Variants in KIAA1671 observed in about 807,000 individuals in gnomAD.
The protein encoded by KIAA1671 is uncharacterized protein KIAA1671.
In KIAA1671, 52 loss-of-function variants were observed where a neutral mutation model predicts 131.2. That is an observed-to-expected ratio of 0.40 (90% CI 0.32 to 0.50). The LOEUF (loss-of-function observed/expected upper bound fraction) is 0.50, where lower values mean the gene tolerates loss of function less well. Ranked by LOEUF, KIAA1671 falls within the 20% of genes least tolerant of loss-of-function variation. KIAA1671 has a pLI of 0.73. For synonymous variants in KIAA1671, 1,003 were observed against 961.6 expected (o/e 1.04, Z -0.80); for missense variants, 2,360 against 2,364.2 (o/e 1.00, Z 0.04).
intron 6 of KIAA1671, among the ~76,000 whole-genome samples, chr22:25,168,041 C>T (rs1488902792): frequency 6.6e-6 from 1 of 152,200 alleles, no homozygotes; most frequent in Non-Finnish European, 1.5e-5. Context: ...CAGGTGCCCA[C>T]TCATTCTGCA....
intron 1 of KIAA1671, among the ~76,000 whole-genome samples, chr22:24,994,811 G>A (rs1346408426): frequency 1.3e-5 from 2 of 152,212 alleles, no homozygotes; most frequent in East Asian, 3.9e-4. Flanking sequence ...AGAATGAACT[G>A]TATCATCGTC....
At chr22:25,057,459 C>G (rs1441135513) in intron 6 of KIAA1671, 1 of 152,252 alleles carries the variant, frequency 6.6e-6, no homozygotes, top group Admixed American at 6.5e-5. Flanking sequence ...GCGCGCGTCC[C>G]CTGGTGGAAC....
At chr22:24,990,416 C>T (rs1923775046) in intron 1 of KIAA1671, among the ~76,000 whole-genome samples, 1 of 152,174 alleles carries the variant, frequency 6.6e-6, no homozygotes, top group African/African-American at 2.4e-5. Flanking sequence ...GTGTTCCTCC[C>T]TACATGACTC....
At chr22:25,129,124 C>T (rs1355223431) in intron 6 of KIAA1671, among the ~76,000 whole-genome samples, 1 of 151,986 alleles carries the variant, frequency 6.6e-6, no homozygotes, top group Non-Finnish European at 1.5e-5. Context: ...TGTTTCTCTC[C>T]CAAGCATGGA....
At chr22:25,033,815 C>T (rs889568069) in intron 4 of KIAA1671, among the ~76,000 whole-genome samples, 4 of 151,788 alleles carry the variant, frequency 2.6e-5, no homozygotes, top group Admixed American at 1.3e-4. Context: ...CTCCTGACCT[C>T]GTGATCTGCC....
chr22:25,076,668 G>T (rs774578255), intron 6 of KIAA1671, among the ~76,000 whole-genome samples: 5 of 152,328 alleles, frequency 3.3e-5, no homozygotes, highest in East Asian at 3.9e-4. Context: ...AGATAACCTC[G>T]CCAGACGGTC....
At chr22:25,125,571 A>T (rs900209844) in intron 6 of KIAA1671, among the ~76,000 whole-genome samples, 1 of 151,546 alleles carries the variant, frequency 6.6e-6, no homozygotes, top group African/African-American at 2.4e-5. Context: ...CACCATGGTG[A>T]CATTGACGTT....
chr22:24,964,363 A>G (rs561508137), intron 1 of KIAA1671, among the ~76,000 whole-genome samples: 1 of 152,210 alleles, frequency 6.6e-6, no homozygotes, highest in South Asian at 2.1e-4. Context: ...CACAAAAAAC[A>G]AAAATAACAA....
At chr22:25,190,921 G>A in intron 12 of KIAA1671, 137 bp downstream of exon 12, 2 of 632,994 alleles carry the variant, frequency 3.2e-6, no homozygotes, top group South Asian at 1.8e-5. Flanking sequence ...AATGAGGGGT[G>A]GGGGGTGTTC....
Position 25,166,695 on chromosome 22 carries a change from T to C in KIAA1671, c.4531-4125T>C, listed in dbSNP as rs114392600. 8.4e-3 allele frequency among the ~76,000 whole-genome samples: 1,279 copies of C among 152,316 alleles called. 30 individuals carry two copies. The highest frequency in any genetic ancestry group is 0.029 in the African/African-American group (1,220 of 41,562). On this transcript the variant is annotated intron_variant, in intron 6 of 12. Transcript: ENST00000358431. The stretch of plus-strand genomic sequence containing the variant: ...GTGCCAGGCAGTGAGCTTAACACTT[T>C]CTGAAGATTATCTGTTGATACCTCA...
chr22:25,039,249 T>C lies in KIAA1671; in HGVS notation c.2119T>C (p.Leu707=). The change falls in exon 5 of 13, where the codon TTG becomes CTG. Residue 707 remains leucine (L), a synonymous_variant. Transcript: ENST00000358431. ...YHTPLRDKYP[L]SENHNNNTFL... ...CACGCCTCTCCGGGACAAATACCCT[T>C]TGTCTGAAAACCACAATAATAACAC... 6.4e-7 allele frequency: 1 copy of C among 1,552,290 alleles called. No individual in the cohort carries two copies. The highest frequency in any genetic ancestry group is 1.4e-5 in the African/African-American group (1 of 73,184).
chr22:25,094,579 A>G (rs1018601042), intron 6 of KIAA1671, among the ~76,000 whole-genome samples: 6 of 152,202 alleles, frequency 3.9e-5, no homozygotes, highest in African/African-American at 1.2e-4. Flanking sequence ...CTGATGCAGC[A>G]TAACCCCCGG....
intron 1 of KIAA1671, among the ~76,000 whole-genome samples, chr22:24,958,846 G>T (rs1472972355): frequency 6.0e-5 from 9 of 150,970 alleles, no homozygotes; most frequent in Non-Finnish European, 4.4e-5. Flanking sequence ...GCCAGGTATG[G>T]TGGCACATGC....
At chr22:24,995,876 T>C (rs1377503805) in intron 1 of KIAA1671, among the ~76,000 whole-genome samples, 1 of 152,198 alleles carries the variant, frequency 6.6e-6, no homozygotes, top group African/African-American at 2.4e-5. Context: ...CTAGTACAGA[T>C]GGAGATGACT....
chr22:25,194,414 C>T lies in KIAA1671; in HGVS notation c.*2013C>T, dbSNP rs569726515. The T allele has an allele frequency of 6.6e-6, 1 of 152,294 alleles. No homozygotes were observed. The highest frequency in any genetic ancestry group is 6.5e-5 in the Admixed American group (1 of 15,294). 9.4% of individuals were successfully genotyped at this position (152,294 alleles called of 1,614,324 possible). ...TAGTCTTTTGATCCTGACTTCTTATCTGGGCTGCTGTCTCTCTTTCCTTCA... is the reference window on the plus strand; with the variant it reads ...TAGTCTTTTGATCCTGACTTCTTATTTGGGCTGCTGTCTCTCTTTCCTTCA... On this transcript the variant is annotated 3_prime_UTR_variant, in exon 13 of 13. Transcript: ENST00000358431.
At chr22:24,985,476 A>T (rs888572235) in intron 1 of KIAA1671, among the ~76,000 whole-genome samples, 6 of 151,870 alleles carry the variant, frequency 4.0e-5, no homozygotes, top group Non-Finnish European at 8.8e-5. Context: ...AGTAGCTGGG[A>T]CTACAGGCGC....
intron 1 of KIAA1671, among the ~76,000 whole-genome samples, chr22:24,996,247 T>G (rs939942458): frequency 2.6e-5 from 4 of 151,702 alleles, no homozygotes; most frequent in African/African-American, 9.7e-5. Context: ...AGAGGCACAT[T>G]TTAGAGCTTC....
chr22:25,011,634 C>CTTTTTTTTT (rs35127110), intron 1 of KIAA1671: 2 of 87,746 alleles, frequency 2.3e-5, no homozygotes, highest in African/African-American at 7.8e-5. Context: ...CTTTTCTTTT[C>CTTTTTTTTT]TTTTTTTTTT....
intron 6 of KIAA1671, among the ~76,000 whole-genome samples, chr22:25,145,412 G>C (rs1360371210): frequency 6.6e-6 from 1 of 152,186 alleles, no homozygotes; most frequent in Non-Finnish European, 1.5e-5. Context: ...TTTCCCCAAG[G>C]CCACACAGCA....
Sources: allele counts gnomAD v4.1 joint callset (sites outside exome capture counted in the v4.1 genomes callset), GRCh38; gene constraint gnomAD v4.1.1; transcripts MANE v1.5; gene names NCBI Gene and HGNC (gene_info 2026-07-23, HGNC 2026-07-21).